The following PARVA variants were observed in gnomAD, a reference collection of about 807,000 sequenced individuals.
PARVA encodes alpha-parvin.
PARVA carries 25 observed loss-of-function variants against 52.6 expected under a neutral mutation model. The observed-to-expected ratio is 0.48, with a 90% CI of 0.35 to 0.66. The LOEUF is 0.66. PARVA is among the 30% of genes least tolerant of loss of function. The pLI, the probability that PARVA is intolerant of heterozygous loss-of-function variation, is 0.01. For missense variants in PARVA, 373 were observed against 450.9 expected (o/e 0.83, Z 1.56); for synonymous variants, 185 against 179.1 (o/e 1.03, Z -0.26).
At chr11:12,495,932 G>A (rs1036364914) in intron 4 of PARVA, among the ~76,000 whole-genome samples, 20 of 152,126 alleles carry the variant, frequency 1.3e-4, no homozygotes, top group Non-Finnish European at 4.4e-5. Context: ...CTGACTTTAA[G>A]GATGTTAAAA....
At chr11:12,492,594 G>C (rs1432253260) in intron 4 of PARVA, among the ~76,000 whole-genome samples, 1 of 152,150 alleles carries the variant, frequency 6.6e-6, no homozygotes, top group East Asian at 1.9e-4. Context: ...AAAGGAGGTG[G>C]TAGGAATAGC....
At chr11:12,408,820 G>A (rs1339144544) in intron 1 of PARVA, among the ~76,000 whole-genome samples, 2 of 152,108 alleles carry the variant, frequency 1.3e-5, no homozygotes, top group Non-Finnish European at 2.9e-5. Flanking sequence ...GTGGGAAGCG[G>A]GGTGGTCACT....
At chr11:12,441,780 G>A (rs958938554) in intron 1 of PARVA, among the ~76,000 whole-genome samples, 2 of 152,200 alleles carry the variant, frequency 1.3e-5, no homozygotes, top group Admixed American at 6.5e-5. Flanking sequence ...ATATTTTAAT[G>A]ATTTTTCCCC....
rs149346906 is a variant in PARVA, at chr11:12,409,265, A to G, written c.136+31482A>G. On this transcript the variant is annotated intron_variant, in intron 1 of 12. Transcript: ENST00000334956. ...ACACAGAGATGCTTCAGAAGAGGTA[A>G]TTATTGTTTTCACATTTTGGAGACA... Among the ~76,000 whole-genome samples the G allele has an allele frequency of 7.4e-3, 1,123 of 152,292 alleles. 19 individuals carry two copies. Among genetic ancestry groups the G allele is most frequent in the African/African-American group, 0.025 (1,038 of 41,570 alleles).
intron 6 of PARVA, 22 bp from the exon 7 acceptor site, chr11:12,508,562 C>A: frequency 6.3e-7 from 1 of 1,588,592 alleles, no homozygotes; most frequent in Non-Finnish European, 8.6e-7. Flanking sequence ...CCTCCCAACC[C>A]CTTTCCCCAC....
At chr11:12,489,054 G>A (rs2135052816) in intron 4 of PARVA, among the ~76,000 whole-genome samples, 1 of 152,104 alleles carries the variant, frequency 6.6e-6, no homozygotes, top group South Asian at 2.1e-4. Context: ...ACTGGGTATG[G>A]TGGCTCATAC....
At chr11:12,489,735 G>GA (rs1171975505) in intron 4 of PARVA, among the ~76,000 whole-genome samples, 1 of 151,964 alleles carries the variant, frequency 6.6e-6, no homozygotes, top group African/African-American at 2.4e-5. Context: ...AAGCATAGAG[G>GA]AAAAAATCAA....
At chr11:12,402,063 G>A (rs767171779) in intron 1 of PARVA, among the ~76,000 whole-genome samples, 24 of 152,306 alleles carry the variant, frequency 1.6e-4, no homozygotes, top group Non-Finnish European at 2.6e-4. Flanking sequence ...GGCCCTGGGA[G>A]GGAACGCTTT....
chr11:12,475,016 A>C (rs532343372), intron 3 of PARVA, among the ~76,000 whole-genome samples: 33 of 151,294 alleles, frequency 2.2e-4, no homozygotes, highest in Non-Finnish European at 4.9e-4. Flanking sequence ...ATCTGAATAC[A>C]CGGTTCCCCT....
At position 12,531,634 on chromosome 11, in the gene PARVA, C is replaced by T. The variant is rs561847716; in HGVS notation, c.*3709C>T. Among the ~76,000 whole-genome samples, 16 of 151,758 alleles carry T rather than the reference C, an allele frequency of 1.1e-4. No homozygotes were observed. The highest frequency in any genetic ancestry group is 3.4e-3 in the Middle Eastern group (1 of 294). On this transcript the variant is annotated 3_prime_UTR_variant, in exon 13 of 13. Coordinates refer to ENST00000334956, the MANE Select transcript of PARVA (RefSeq NM_018222.5). ...GGCTGATCAAAACTAATTTGAGATC[C>T]GCTGCCTTTAATAGAGCTCCACCTC...
intron 1 of PARVA, among the ~76,000 whole-genome samples, chr11:12,422,735 A>G (rs1335627596): frequency 6.6e-6 from 1 of 152,164 alleles, no homozygotes; most frequent in African/African-American, 2.4e-5. Context: ...ATTACTGATG[A>G]CAATATATGT....
At chr11:12,486,662 A>G (rs1417791001) in intron 4 of PARVA, among the ~76,000 whole-genome samples, 1 of 152,128 alleles carries the variant, frequency 6.6e-6, no homozygotes, top group African/African-American at 2.4e-5. Context: ...CCTGACCAAC[A>G]TGATAAAACC....
At chr11:12,421,885 T>G (rs900115644) in intron 1 of PARVA, among the ~76,000 whole-genome samples, 3 of 152,240 alleles carry the variant, frequency 2.0e-5, no homozygotes, top group African/African-American at 7.2e-5. Context: ...TCTAGAAATA[T>G]GGAACAGGTC....
At chr11:12,392,461 G>A (rs2134955425) in intron 1 of PARVA, among the ~76,000 whole-genome samples, 1 of 152,022 alleles carries the variant, frequency 6.6e-6, no homozygotes, top group Middle Eastern at 3.4e-3. Context: ...TAGAGACGGG[G>A]TTTCACCATG....
chr11:12,534,170 A>AAAAAC lies in PARVA; in HGVS notation c.*6265_*6269dup, dbSNP rs779430710. Among the ~76,000 whole-genome samples the AAAAAC allele has an allele frequency of 5.9e-5, 9 of 152,192 alleles. No individual in the cohort carries two copies. The highest frequency in any genetic ancestry group is 2.1e-4 in the South Asian group (1 of 4,836). On this transcript the variant is annotated 3_prime_UTR_variant, in exon 13 of 13. Transcript: ENST00000334956. ...GCAACAGAGCAAGACTGCGTCTCAA[A>AAAAAC]AAAACAAAACAAAACAAAACAAAAA...
intron 4 of PARVA, among the ~76,000 whole-genome samples, chr11:12,482,178 A>AG (rs921722383): frequency 6.6e-6 from 1 of 151,318 alleles, no homozygotes; most frequent in African/African-American, 2.4e-5. Flanking sequence ...AAAAAGAAAA[A>AG]GAAAAAAAAA....
chr11:12,432,833 A>G (rs1052253905), intron 1 of PARVA, among the ~76,000 whole-genome samples: 1 of 152,192 alleles, frequency 6.6e-6, no homozygotes, highest in Non-Finnish European at 1.5e-5. Flanking sequence ...CCTGTTTTCT[A>G]TCATGACCTC....
At chr11:12,459,123 G>C (rs1488243823) in intron 1 of PARVA, among the ~76,000 whole-genome samples, 1 of 152,190 alleles carries the variant, frequency 6.6e-6, no homozygotes, top group Non-Finnish European at 1.5e-5. Context: ...ACCCATGAAA[G>C]AGAAAGGATA....
In PARVA at chr11:12,528,874, A is replaced by G. The variant is rs1402900866; in HGVS notation, c.*949A>G. The G allele has an allele frequency of 6.5e-6, 1 of 152,698 alleles. No homozygotes were observed. The highest frequency in any genetic ancestry group is 1.5e-5 in the Non-Finnish European group (1 of 68,048). 9.5% of individuals were successfully genotyped at this position (152,698 alleles called of 1,614,324 possible). Reference sequence around the variant, plus strand: ...GTGACATTTGGGAAGGATTTTGTTTAGAATTAATGGAGTGGCACATTTTGC... The same window carrying G: ...GTGACATTTGGGAAGGATTTTGTTTGGAATTAATGGAGTGGCACATTTTGC... On this transcript the variant is annotated 3_prime_UTR_variant, in exon 13 of 13. Coordinates refer to ENST00000334956, the MANE Select transcript of PARVA (RefSeq NM_018222.5).
Sources: allele counts gnomAD v4.1 joint callset (sites outside exome capture counted in the v4.1 genomes callset), GRCh38; gene constraint gnomAD v4.1.1; transcripts MANE v1.5; gene names NCBI Gene and HGNC (gene_info 2026-07-23, HGNC 2026-07-21).